Variants in SOX6 observed in about 807,000 individuals in gnomAD.
SOX6 encodes transcription factor SOX-6.
In SOX6, 11 loss-of-function variants were observed where a neutral mutation model predicts 97.8. The ratio of observed to expected loss-of-function variants is 0.11; its 90% CI spans 0.07 to 0.19. SOX6 has a LOEUF of 0.19. Among genes scored for constraint, SOX6 ranks in the 10% least tolerant of loss-of-function variants. The probability of loss-of-function intolerance (pLI) is 1.00; values close to 1 mark genes in which losing one functional copy is unlikely to be tolerated. For synonymous variants in SOX6, 360 were observed against 371.4 expected (o/e 0.97, Z 0.35); for missense variants, 810 against 1,039.5 (o/e 0.78, Z 3.04).
intron 3 of SOX6, among the ~76,000 whole-genome samples, chr11:16,299,365 C>A (rs1404287361): frequency 6.6e-6 from 1 of 151,208 alleles, no homozygotes; most frequent in Non-Finnish European, 1.5e-5. Flanking sequence ...TGGTTGTTTT[C>A]AAAAATGTTA....
At chr11:16,189,640 A>T (rs574771003) in intron 4 of SOX6, among the ~76,000 whole-genome samples, 1 of 152,182 alleles carries the variant, frequency 6.6e-6, no homozygotes, top group African/African-American at 2.4e-5. Flanking sequence ...TAATCACTAA[A>T]GTATTTTACG....
chr11:16,361,343 C>A (rs1191969380), upstream of SOX6, among the ~76,000 whole-genome samples: 2 of 152,058 alleles, frequency 1.3e-5, no homozygotes, highest in Non-Finnish European at 2.9e-5. Flanking sequence ...CAAGATTAAA[C>A]AACTCTCACG....
chr11:15,986,188 A>C lies in SOX6; in HGVS notation c.2183+16T>G. ...GCAAAAGTAAAGCCCAGGTGGCTAA[A>C]TTCAGGAATACTTACCCCACAGTAA... On this transcript the variant is annotated intron_variant, in intron 15 of 15. Transcript: ENST00000683767. 1 of 1,613,390 alleles carries C rather than the reference A, an allele frequency of 6.2e-7. No individual in the cohort carries two copies. Among genetic ancestry groups the C allele is most frequent in the South Asian group, 1.1e-5 (1 of 91,054 alleles).
chr11:16,001,707 C>A (rs1359134126), intron 13 of SOX6, among the ~76,000 whole-genome samples: 1 of 152,198 alleles, frequency 6.6e-6, no homozygotes, highest in East Asian at 1.9e-4. Flanking sequence ...CTCTGAAATA[C>A]TGCCCCACCA....
At chr11:16,087,191 TA>T (rs1848596647) in intron 9 of SOX6, among the ~76,000 whole-genome samples, 1 of 152,198 alleles carries the variant, frequency 6.6e-6, no homozygotes, top group Non-Finnish European at 1.5e-5. Flanking sequence ...AATTGTTTTT[TA>T]ACTGTAAAAG....
rs1853200413 is a variant in SOX6, at chr11:15,968,281, A to G, written c.*4528T>C. 1 of 152,230 alleles carries G rather than the reference A, an allele frequency of 6.6e-6. No homozygotes were observed. The highest frequency in any genetic ancestry group is 6.5e-5 in the Admixed American group (1 of 15,288). The allele number at this position is 152,230 out of a possible 1,614,324, so 9.4% of individuals were successfully genotyped here. A position where few individuals can be genotyped will look rare whatever the true frequency, so the allele number is the denominator to read the frequency against. On this transcript the variant is annotated 3_prime_UTR_variant, in exon 16 of 16. Coordinates refer to ENST00000683767, the MANE Select transcript of SOX6 (RefSeq NM_001367873.1). The stretch of plus-strand genomic sequence containing the variant: ...CGTGTACAAAATCAGGCAGGGCTAC[A>G]GCAACCATTTTTGTCATTTTCTCAT...
intron 1 of SOX6, among the ~76,000 whole-genome samples, chr11:16,341,902 G>A (rs959677896): frequency 1.3e-5 from 2 of 151,960 alleles, no homozygotes; most frequent in African/African-American, 4.8e-5. Context: ...TAACTTTTAA[G>A]TGACATATTG....
intron 11 of SOX6, among the ~76,000 whole-genome samples, chr11:16,048,525 GC>G (rs1260765581): frequency 1.3e-5 from 2 of 152,116 alleles, no homozygotes; most frequent in Admixed American, 1.3e-4. Flanking sequence ...CTAATTAACA[GC>G]TGCAGGAGTG....
At chr11:16,061,377 TG>T (rs1391876252) in intron 9 of SOX6, among the ~76,000 whole-genome samples, 1 of 148,212 alleles carries the variant, frequency 6.7e-6, no homozygotes, top group Non-Finnish European at 1.5e-5. Flanking sequence ...AGAACACTGA[TG>T]AAAAAAATTG....
intron 3 of SOX6, among the ~76,000 whole-genome samples, chr11:16,272,242 A>G (rs977508): frequency 0.78 from 118,434 of 151,416 alleles, 46,456 homozygotes; most frequent in Non-Finnish European, 0.8. Context: ...TATAAACTAT[A>G]AACTACATAA....
chr11:16,297,388 C>T (rs1276790040), intron 3 of SOX6, among the ~76,000 whole-genome samples: 3 of 152,002 alleles, frequency 2.0e-5, no homozygotes, highest in East Asian at 1.9e-4. Flanking sequence ...GACAAGTGTT[C>T]GGTAATATTT....
chr11:16,262,773 A>T (rs1412025127), intron 3 of SOX6, among the ~76,000 whole-genome samples: 1 of 152,014 alleles, frequency 6.6e-6, no homozygotes, highest in African/African-American at 2.4e-5. Context: ...TAACATCTTG[A>T]GTTCAGATCA....
chr11:16,092,002 G>T (rs1017355047), intron 9 of SOX6, among the ~76,000 whole-genome samples: 24 of 152,060 alleles, frequency 1.6e-4, no homozygotes, highest in Non-Finnish European at 2.8e-4. Context: ...TTTTTTTCTG[G>T]TGATTCAGAG....
chr11:16,079,264 T>A (rs1235240978), intron 9 of SOX6, among the ~76,000 whole-genome samples: 1 of 152,136 alleles, frequency 6.6e-6, no homozygotes, highest in African/African-American at 2.4e-5. Flanking sequence ...CAAGCATGGG[T>A]AACTGTGTAA....
chr11:16,087,995 G>A lies in SOX6; in HGVS notation c.1101+8001C>T, dbSNP rs61120830. 5.3e-3 allele frequency among the ~76,000 whole-genome samples: 802 copies of A among 151,680 alleles called. 7 individuals are homozygous for A. Among genetic ancestry groups the A allele is most frequent in the African/African-American group, 0.018 (752 of 41,336 alleles). On this transcript the variant is annotated intron_variant, in intron 9 of 15. Transcript: ENST00000683767. ...CAACCACACCCTTGTGGGACAGGGT[G>A]GGGGGTGGGGAAAGTTGCCCTCAGC...
rs538537870 is a variant in SOX6 at position 16,028,515 on chromosome 11, C to T, written c.1624-13465G>A. 2.0e-5 allele frequency among the ~76,000 whole-genome samples: 3 copies of T among 152,234 alleles called. No individual in the cohort carries two copies. The South Asian group carries it at 6.2e-4, about 32-fold the overall frequency. ...TAGGCTCTAAGGGAAACCAAACTGG[C>T]TAGGAGGGATGACAACAGAACAATG... On this transcript the variant is annotated intron_variant, in intron 12 of 15. Transcript: ENST00000683767.
At chr11:16,507,642 G>C (rs990007528) in intron 4 of SOX6, among the ~76,000 whole-genome samples, 1 of 152,094 alleles carries the variant, frequency 6.6e-6, no homozygotes, top group African/African-American at 2.4e-5. Context: ...TTTGACAAAG[G>C]TGCCAAGAAC....
At chr11:16,522,837 T>C (rs1861090458) in intron 4 of SOX6, among the ~76,000 whole-genome samples, 1 of 152,128 alleles carries the variant, frequency 6.6e-6, no homozygotes, top group Non-Finnish European at 1.5e-5. Context: ...AATCCTAGTC[T>C]CTGATAAACC....
chr11:16,409,659 T>C (rs1858758070), intron 1 of SOX6, among the ~76,000 whole-genome samples: 1 of 151,112 alleles, frequency 6.6e-6, no homozygotes, highest in South Asian at 2.1e-4. Context: ...TCCTAAATGG[T>C]TCAGAAAATC....
Sources: allele counts gnomAD v4.1 joint callset (sites outside exome capture counted in the v4.1 genomes callset), GRCh38; gene constraint gnomAD v4.1.1; transcripts MANE v1.5; gene names NCBI Gene and HGNC (gene_info 2026-07-23, HGNC 2026-07-21).